ADISSP: variants seen among roughly 807,000 people sequenced by gnomAD.
ADISSP encodes the protein adipose secreted signaling protein, also known as adipose-secreted signaling protein.
At chr20:3,757,208 A>G in the ADISSP span, among the ~76,000 whole-genome samples, 1 of 151,838 alleles carries the variant, frequency 6.6e-6, no homozygotes, top group Non-Finnish European at 1.5e-5. Context: ...AAATTAGCTG[A>G]GAGTGGTGGC....
At chr20:3,758,397 G>A in the ADISSP span, 1 of 710,890 alleles carries the variant, frequency 1.4e-6, no homozygotes, top group South Asian at 1.8e-5. The surrounding 1 kb of genome is among the most constrained non-coding windows in gnomAD (Gnocchi z 5.5). Context: ...CCTCCCATCT[G>A]ACAGATGGGG....
At chr20:3,762,308 G>T in the ADISSP span, among the ~76,000 whole-genome samples, 1 of 152,018 alleles carries the variant, frequency 6.6e-6, no homozygotes, top group Admixed American at 6.6e-5. Flanking sequence ...AATAAAACGA[G>T]GGAGATTATT....
the ADISSP span, among the ~76,000 whole-genome samples, chr20:3,755,118 C>T: frequency 1.4e-3 from 215 of 152,286 alleles, no homozygotes; most frequent in Middle Eastern, 6.8e-3. Context: ...TAGGAGTTAT[C>T]CACACGGTGT....
chr20:3,760,118 C>T, the ADISSP span: 120 of 1,603,498 alleles, frequency 7.5e-5, no homozygotes, highest in South Asian at 2.3e-4. Flanking sequence ...CTCCCTGCCA[C>T]GCAGCTCCTG....
At chr20:3,758,497 G>T in the ADISSP span, 42 of 1,599,674 alleles carry the variant, frequency 2.6e-5, no homozygotes, top group Non-Finnish European at 3.4e-5. The surrounding 1 kb of genome is among the most constrained non-coding windows in gnomAD (Gnocchi z 5.5). Flanking sequence ...CAGAGCCGGG[G>T]AGGGGAAGAA....
At chr20:3,754,147 C>T in the ADISSP span, 9 of 1,611,532 alleles carry the variant, frequency 5.6e-6, no homozygotes, top group African/African-American at 1.3e-5. Context: ...ATGGGCGTGC[C>T]GTGGTGCCGG....
chr20:3,756,979 C>G, the ADISSP span, among the ~76,000 whole-genome samples: 1 of 151,756 alleles, frequency 6.6e-6, no homozygotes, highest in Non-Finnish European at 1.5e-5. Context: ...TTTTTGGAAA[C>G]AAAGCTTTTT....
the ADISSP span, among the ~76,000 whole-genome samples, chr20:3,760,679 C>A: frequency 1.3e-5 from 2 of 152,166 alleles, no homozygotes; most frequent in Non-Finnish European, 2.9e-5. Flanking sequence ...ATAAAGTAAG[C>A]GTGCCCTTAG....
chr20:3,768,012 GAGA>G, the ADISSP span: 1 of 152,372 alleles, frequency 6.6e-6, no homozygotes, highest in African/African-American at 2.4e-5. Context: ...CTCGAAGAGG[GAGA>G]AGGAGGGCCT....
At chr20:3,756,634 T>G in the ADISSP span, among the ~76,000 whole-genome samples, 4 of 152,324 alleles carry the variant, frequency 2.6e-5, no homozygotes, top group South Asian at 4.1e-4. Flanking sequence ...TGTGCCCCCC[T>G]CATGCTCTGC....
At chr20:3,762,531 C>T in the ADISSP span, among the ~76,000 whole-genome samples, 4 of 152,102 alleles carry the variant, frequency 2.6e-5, no homozygotes, top group African/African-American at 4.8e-5. Flanking sequence ...CCACCATGCC[C>T]GGCTAATTTT....
the ADISSP span, among the ~76,000 whole-genome samples, chr20:3,756,966 T>C: frequency 6.6e-6 from 1 of 152,122 alleles, no homozygotes; most frequent in African/African-American, 2.4e-5. Context: ...AGGCCAGCTT[T>C]TGTTTTTGGA....
the ADISSP span, chr20:3,755,606 A>G: frequency 2.5e-6 from 4 of 1,595,182 alleles, no homozygotes; most frequent in South Asian, 1.1e-5. Context: ...CAGGAAGCCA[A>G]CCTACAGCAG....
chr20:3,758,242 T>TA, the ADISSP span, among the ~76,000 whole-genome samples: 1 of 152,222 alleles, frequency 6.6e-6, no homozygotes, highest in East Asian at 1.9e-4. The surrounding 1 kb of genome is among the most constrained non-coding windows in gnomAD (Gnocchi z 5.5). Flanking sequence ...ATGGCTGGCC[T>TA]AGACCTGAAC....
the ADISSP span, among the ~76,000 whole-genome samples, chr20:3,764,406 G>A: frequency 6.6e-6 from 1 of 152,126 alleles, no homozygotes; most frequent in Non-Finnish European, 1.5e-5. Context: ...CACCCTCCCT[G>A]TCTTCCTCCC....
the ADISSP span, chr20:3,754,621 G>A: frequency 8.0e-7 from 1 of 1,246,636 alleles, no homozygotes. Flanking sequence ...GGGACTGCAT[G>A]CTAAGCCCCC....
the ADISSP span, chr20:3,758,747 C>G: frequency 6.7e-7 from 1 of 1,499,700 alleles, no homozygotes; most frequent in East Asian, 2.3e-5. This position sits in a 1 kb window ranked among gnomAD's most constrained non-coding sequence, Gnocchi z 5.5. Context: ...CTTGTCCCCT[C>G]GTCACCCCCA....
the ADISSP span, chr20:3,754,170 G>A: frequency 1.9e-6 from 3 of 1,607,146 alleles, no homozygotes; most frequent in South Asian, 2.2e-5. Flanking sequence ...TGCAAGGCAG[G>A]GTGCAAGTCA....
chr20:3,758,706 G>A, the ADISSP span: 5 of 1,608,428 alleles, frequency 3.1e-6, no homozygotes, highest in African/African-American at 1.3e-5. The surrounding 1 kb of genome is among the most constrained non-coding windows in gnomAD (Gnocchi z 5.5). Context: ...GGGCTCTGAG[G>A]GCTTTCCCTG....
Sources: gnomAD v4.1 joint callset for allele counts (sites outside exome capture counted in the v4.1 genomes callset) on GRCh38, gnomAD v4.1.1 for gene constraint, Gnocchi (gnomAD v3.1) non-coding constraint, MANE v1.5 for transcripts, NCBI Gene and HGNC (gene_info 2026-07-23, HGNC 2026-07-21) for gene names.